The following CACNB2 variants were observed in gnomAD, a reference collection of about 807,000 sequenced individuals.
CACNB2 encodes voltage-dependent L-type calcium channel subunit beta-2.
Under a neutral mutation model 73.3 loss-of-function variants are expected in CACNB2, and 42 were observed. The observed-to-expected ratio is 0.57, with a 90% CI of 0.45 to 0.74. The LOEUF (loss-of-function observed/expected upper bound fraction) is 0.74, where lower values mean the gene tolerates loss of function less well. CACNB2 is among the 30% of genes least tolerant of loss of function. The pLI is 0.00. For synonymous variants in CACNB2, 348 were observed against 310.3 expected (o/e 1.12, Z -1.28); for missense variants, 940 against 853.0 (o/e 1.10, Z -1.27).
chr10:18,510,455 AC>A (rs2050705359), intron 6 of CACNB2, among the ~76,000 whole-genome samples: 2 of 152,092 alleles, frequency 1.3e-5, no homozygotes, highest in South Asian at 4.1e-4. Flanking sequence ...GGCACCGGCC[AC>A]CACACCTGGC....
At chr10:18,448,414 G>A (rs1205969193) in intron 3 of CACNB2, among the ~76,000 whole-genome samples, 3 of 147,188 alleles carry the variant, frequency 2.0e-5, no homozygotes, top group African/African-American at 5.0e-5. Context: ...GGCGGAGGTT[G>A]CGGTGAGCTG....
intron 2 of CACNB2, among the ~76,000 whole-genome samples, chr10:18,222,205 C>T (rs149034940): frequency 6.6e-6 from 1 of 152,160 alleles, no homozygotes; most frequent in African/African-American, 2.4e-5. Context: ...TGTTAAATGA[C>T]CACATGCCGA....
chr10:18,314,442 T>C (rs770296774), intron 2 of CACNB2, among the ~76,000 whole-genome samples: 20 of 152,212 alleles, frequency 1.3e-4, no homozygotes, highest in Non-Finnish European at 2.2e-4. Flanking sequence ...AGTATACTTT[T>C]TGTTTGTTAC....
intron 2 of CACNB2, among the ~76,000 whole-genome samples, chr10:18,386,585 T>C (rs56194607): frequency 0.052 from 7,925 of 151,868 alleles, 263 homozygotes; most frequent in Middle Eastern, 0.088. Flanking sequence ...TTGCATTTTT[T>C]TTAGTAGAGA....
chr10:18,530,751 A>AG (rs2052933530), intron 10 of CACNB2, among the ~76,000 whole-genome samples: 1 of 152,224 alleles, frequency 6.6e-6, no homozygotes, highest in Non-Finnish European at 1.5e-5. Context: ...CACTTAGTGT[A>AG]GGCCAAGTAC....
At chr10:18,301,185 A>G (rs1416900973) in intron 2 of CACNB2, among the ~76,000 whole-genome samples, 1 of 152,164 alleles carries the variant, frequency 6.6e-6, no homozygotes, top group Admixed American at 6.5e-5. Flanking sequence ...CTGTTTCTGA[A>G]CTTTTACATT....
At chr10:18,189,976 A>G (rs1222752430) in intron 2 of CACNB2, among the ~76,000 whole-genome samples, 1 of 152,228 alleles carries the variant, frequency 6.6e-6, no homozygotes, top group African/African-American at 2.4e-5. Flanking sequence ...ATAAGTATGT[A>G]CGGAAAGCCC....
At chr10:18,499,502 C>G (rs1372735237) in intron 4 of CACNB2, among the ~76,000 whole-genome samples, 1 of 151,612 alleles carries the variant, frequency 6.6e-6, no homozygotes, top group Non-Finnish European at 1.5e-5. Flanking sequence ...GTAATCTCAG[C>G]TACTCGAGAG....
chr10:18,521,662 ATAAT>A (rs2051896644), intron 9 of CACNB2, among the ~76,000 whole-genome samples: 1 of 152,244 alleles, frequency 6.6e-6, no homozygotes, highest in Non-Finnish European at 1.5e-5. Flanking sequence ...CTTGAATCAA[ATAAT>A]TAATGGGTGC....
At chr10:18,183,057 G>T (rs1050232100) in intron 2 of CACNB2, among the ~76,000 whole-genome samples, 1 of 151,942 alleles carries the variant, frequency 6.6e-6, no homozygotes, top group African/African-American at 2.4e-5. Flanking sequence ...TATTTGTGCA[G>T]CTGGGCAGAC....
intron 2 of CACNB2, among the ~76,000 whole-genome samples, chr10:18,361,506 A>AG (rs1362226364): frequency 1.2e-4 from 18 of 151,684 alleles, no homozygotes; most frequent in African/African-American, 4.1e-4. Context: ...CTCAAAAAAA[A>AG]AAAAAAGAAA....
intron 2 of CACNB2, among the ~76,000 whole-genome samples, chr10:18,223,201 A>G (rs2131404588): frequency 6.6e-6 from 1 of 152,334 alleles, no homozygotes; most frequent in Non-Finnish European, 1.5e-5. Context: ...CTTTTGCTTA[A>G]TCCCTACATA....
intron 2 of CACNB2, among the ~76,000 whole-genome samples, chr10:18,255,647 G>A (rs1167122211): frequency 6.6e-6 from 1 of 152,172 alleles, no homozygotes; most frequent in Non-Finnish European, 1.5e-5. Context: ...GATAGAGACA[G>A]TTGGTCCTTT....
intron 2 of CACNB2, among the ~76,000 whole-genome samples, chr10:18,255,179 C>G (rs1247087035): frequency 6.6e-6 from 1 of 152,100 alleles, no homozygotes; most frequent in South Asian, 2.1e-4. Context: ...GAGAAAAGAT[C>G]CCCAGCGTGG....
At chr10:18,144,244 A>AT (rs2030731310) in intron 1 of CACNB2, among the ~76,000 whole-genome samples, 2 of 151,894 alleles carry the variant, frequency 1.3e-5, no homozygotes, top group South Asian at 2.1e-4. Flanking sequence ...TGCTCAGCTA[A>AT]TTTTTTTGTA....
At chr10:18,478,951 G>C (rs573865094) in intron 3 of CACNB2, among the ~76,000 whole-genome samples, 372 of 152,176 alleles carry the variant, frequency 2.4e-3, no homozygotes, top group African/African-American at 8.3e-3. Flanking sequence ...CAACTACTCA[G>C]GAGGCTGAGT....
chr10:18,433,997 C>T (rs889839908), intron 3 of CACNB2, among the ~76,000 whole-genome samples: 1 of 151,916 alleles, frequency 6.6e-6, no homozygotes, highest in Non-Finnish European at 1.5e-5. Flanking sequence ...GCAAGAGCTT[C>T]GGTAGAGTTG....
chr10:18,487,309 T>C (rs1197499987), intron 3 of CACNB2, among the ~76,000 whole-genome samples: 2 of 152,226 alleles, frequency 1.3e-5, no homozygotes, highest in Admixed American at 1.3e-4. Context: ...TGCAGACTTT[T>C]AGCTTGTTTA....
chr10:18,178,065 C>T lies in CACNB2; in HGVS notation c.213+27090C>T, dbSNP rs16916920. Among the ~76,000 whole-genome samples the T allele has an allele frequency of 7.2e-3, 1,099 of 152,254 alleles. 6 individuals carry two copies. The highest frequency in any genetic ancestry group is 0.024 in the African/African-American group (990 of 41,550). On this transcript the variant is annotated intron_variant, in intron 2 of 13. Transcript: ENST00000324631. The stretch of plus-strand genomic sequence containing the variant: ...ATTGCAGAATAGTGGTGTCTCCTCT[C>T]ATATCTCGGTTTTGCATTGGGATGC...
Sources: allele counts gnomAD v4.1 joint callset (sites outside exome capture counted in the v4.1 genomes callset), GRCh38; gene constraint gnomAD v4.1.1; transcripts MANE v1.5; gene names NCBI Gene and HGNC (gene_info 2026-07-23, HGNC 2026-07-21).